KIF23: variants seen among roughly 807,000 people sequenced by gnomAD.
The protein encoded by KIF23 is kinesin family member 23, also known as kinesin-like protein KIF23.
Under a neutral mutation model 137.5 loss-of-function variants are expected in KIF23, and 30 were observed. The observed-to-expected ratio is 0.22, with a 90% CI of 0.16 to 0.30. The LOEUF is 0.30. Ranked by LOEUF, KIF23 falls within the 10% of genes least tolerant of loss-of-function variation. The pLI, the probability that KIF23 is intolerant of heterozygous loss-of-function variation, is 1.00. For synonymous variants in KIF23, 367 were observed against 391.1 expected (o/e 0.94, Z 0.73); for missense variants, 920 against 1,194.3 (o/e 0.77, Z 3.38).
chr15:69,421,586 T>C, intron 3 of KIF23, 61 bp from the exon 4 acceptor site: 1 of 992,236 alleles, frequency 1.0e-6, no homozygotes, highest in South Asian at 1.3e-5. Context: ...TTTAAGGAGA[T>C]GTATTTTTAG....
intron 19 of KIF23, 21 bp downstream of exon 19, chr15:69,441,100 A>G: frequency 6.4e-7 from 1 of 1,571,440 alleles, no homozygotes; most frequent in South Asian, 1.2e-5. Flanking sequence ...GTATTATTTT[A>G]ACGCATTGTA....
At chr15:69,446,123 G>C in intron 21 of KIF23, 32 bp downstream of exon 21, 11 of 1,588,560 alleles carry the variant, frequency 6.9e-6, no homozygotes, top group Non-Finnish European at 8.6e-6. Flanking sequence ...CTGTATAAAA[G>C]TTGGTCATTT....
chr15:69,436,474 T>C, intron 14 of KIF23, 90 bp from the exon 15 acceptor site: 1 of 1,232,766 alleles, frequency 8.1e-7, no homozygotes, highest in Non-Finnish European at 1.1e-6. Flanking sequence ...AATGGTTAGT[T>C]GCACTGGGGC....
rs111881694 is a variant in KIF23, at chr15:69,437,534, C to T, written c.1598-714C>T. Among the ~76,000 whole-genome samples the T allele has an allele frequency of 1.5e-3, 219 of 147,804 alleles. 1 individual carries two copies. The highest frequency in any genetic ancestry group is 2.5e-3 in the Non-Finnish European group (167 of 67,516). ...GGAGTGCAATGGCGCAATCTCGGCTCACTGCAACCTCCGCCTCCTGGGTTC... is the reference window on the plus strand; with the variant it reads ...GGAGTGCAATGGCGCAATCTCGGCTTACTGCAACCTCCGCCTCCTGGGTTC... On this transcript the variant is annotated intron_variant, in intron 15 of 23. Transcript: ENST00000679126.
intron 16 of KIF23, 37 bp downstream of exon 16, chr15:69,438,442 G>T: frequency 1.3e-6 from 2 of 1,558,936 alleles, no homozygotes; most frequent in Non-Finnish European, 1.7e-6. Flanking sequence ...TGTATGTGCT[G>T]GTGTTTTAGC....
chr15:69,446,840 G>C, intron 22 of KIF23, 31 bp from the exon 23 acceptor site: 1 of 1,595,642 alleles, frequency 6.3e-7, no homozygotes, highest in Non-Finnish European at 8.6e-7. Flanking sequence ...GAGAGGAGCT[G>C]ATCTTTTTCC....
rs1277075727 is a variant in KIF23 at position 69,439,896 on chromosome 15, C to T, written c.1756-8C>T. 2 of 1,602,306 alleles carry T rather than the reference C, an allele frequency of 1.2e-6. No homozygotes were observed. Among genetic ancestry groups the T allele is most frequent in the Non-Finnish European group, 1.7e-6 (2 of 1,172,980 alleles). On this transcript the variant is annotated splice_region_variant and splice_polypyrimidine_tract_variant and intron_variant, in intron 16 of 23. Coordinates refer to ENST00000679126, the MANE Select transcript of KIF23 (RefSeq NM_001367805.3). ...CCAAATATTGAACATAGTGGTCTACCTTCCTAGATTGAGATTTTAGAGAAA... is the reference window on the plus strand; with the variant it reads ...CCAAATATTGAACATAGTGGTCTACTTTCCTAGATTGAGATTTTAGAGAAA...
intron 22 of KIF23, 79 bp from the exon 23 acceptor site, chr15:69,446,792 T>A (rs1596031248): frequency 2.4e-6 from 3 of 1,226,414 alleles, no homozygotes; most frequent in African/African-American, 1.5e-5. Context: ...TTCACCTAGG[T>A]GTGGAGCCTG....
intron 19 of KIF23, among the ~76,000 whole-genome samples, chr15:69,443,054 CCAGACTT>C (rs2057659226): frequency 6.6e-6 from 1 of 152,124 alleles, no homozygotes; most frequent in African/African-American, 2.4e-5. Context: ...ATGATAAGGA[CCAGACTT>C]TCTTTCGTGT....
chr15:69,438,177 G>T, intron 15 of KIF23, 71 bp from the exon 16 acceptor site: 1 of 1,342,802 alleles, frequency 7.4e-7, no homozygotes, highest in Non-Finnish European at 1.0e-6. Flanking sequence ...TCTAGTGTCT[G>T]CTAGCAAAAG....
At position 69,425,288 on chromosome 15, in the gene KIF23, C is replaced by G; in HGVS notation, c.741C>G (p.Asn247Lys). 1.2e-5 allele frequency: 19 copies of G among 1,535,868 alleles called. No individual in the cohort carries two copies. The highest frequency in any genetic ancestry group is 1.5e-5 in the Non-Finnish European group (17 of 1,146,738). The change falls in exon 8 of 24, where the codon AAC (asparagine) becomes AAG (lysine). Residue 247 changes from asparagine (N) to lysine (K), a missense_variant. By Grantham distance (94) the Asn-to-Lys change is moderately conservative. Coordinates refer to ENST00000679126, the MANE Select transcript of KIF23 (RefSeq NM_001367805.3). ...TACCTTATTCCTTTGGTAGGTGGAA[C>G]AGTTGCAGCACACCCATGAGGAACA... Reference protein sequence around the residue: ...VPFDPIKPKWNSCSTPMRNTD... With the variant: ...VPFDPIKPKWKSCSTPMRNTD...
rs957332437 is a variant in KIF23, at chr15:69,444,755, C to A, written c.2422-35C>A. On this transcript the variant is annotated intron_variant, in intron 19 of 23. Coordinates refer to ENST00000679126, the MANE Select transcript of KIF23 (RefSeq NM_001367805.3). This position sits in a 1 kb window ranked among gnomAD's most constrained non-coding sequence, Gnocchi z 4.2. ...AAACCTGCTGCACTTCTAATAATAC[C>A]CTTAAATTAATTCTGGGTTATGCTT... 1.9e-6 allele frequency: 3 copies of A among 1,603,026 alleles called. No individual in the cohort carries two copies. The East Asian group carries it at 6.7e-5, about 36-fold the overall frequency.
At position 69,421,639 on chromosome 15, in the gene KIF23, C is replaced by T. The variant is rs759903331; in HGVS notation, c.211-8C>T. ...TTCTATTTAGTGCATTTTTTTCTCTCTCCACAGACTCAGTATTCATTTAAA... is the reference window on the plus strand; with the variant it reads ...TTCTATTTAGTGCATTTTTTTCTCTTTCCACAGACTCAGTATTCATTTAAA... On this transcript the variant is annotated splice_polypyrimidine_tract_variant and splice_region_variant and intron_variant, in intron 3 of 23. Transcript: ENST00000679126. 1.3e-6 allele frequency: 2 copies of T among 1,568,040 alleles called. No individual in the cohort carries two copies. The highest frequency in any genetic ancestry group is 1.8e-6 in the Non-Finnish European group (2 of 1,139,670).
Position 69,444,919 on chromosome 15 carries a change from C to T in KIF23, c.2551C>T (p.His851Tyr). The change falls in exon 20 of 24, where the codon CAT becomes TAT. Residue 851 changes from histidine to tyrosine, a missense_variant. Around this residue, in one of 4 missense-constraint regions of KIF23, gnomAD observed 75 missense variants for 177.9 expected, o/e 0.42. Coordinates refer to ENST00000679126, the MANE Select transcript of KIF23 (RefSeq NM_001367805.3). The surrounding 1 kb of genome is among the most constrained non-coding windows in gnomAD (Gnocchi z 4.2). ...GCAAACTGAAACAGTCATGCAGCCA[C>T]ATGTCCCTCATGCCATCACAGTATC... ...NMQTETVMQP[H>Y]VPHAITVSVA... The T allele has an allele frequency of 6.2e-7, 1 of 1,614,198 alleles. No homozygotes were observed. Among genetic ancestry groups the T allele is most frequent in the Non-Finnish European group, 8.5e-7 (1 of 1,180,036 alleles).
rs2057060024 is a variant in KIF23 at position 69,421,677 on chromosome 15, A to G, written c.241A>G (p.Thr81Ala). 1 of 1,613,450 alleles carries G rather than the reference A, an allele frequency of 6.2e-7. No homozygotes were observed. The highest frequency in any genetic ancestry group is 8.5e-7 in the Non-Finnish European group (1 of 1,179,506). Residue 81 changes from threonine (T) to alanine (A), a missense_variant, in exon 4 of 24, where the codon ACT becomes GCT. Thr to Ala is a moderately conservative substitution (Grantham distance 58, BLOSUM62 0). Transcript: ENST00000679126. ...TQYSFKQVFG[T>A]HTTQKELFDV... is the part of the protein sequence containing the mutation. ...GTATTCATTTAAACAAGTATTTGGC[A>G]CTCACACCACCCAGAAGGAACTCTT...
rs778503555 is a variant in KIF23, at chr15:69,426,365, C to A, written c.919C>A (p.His307Asn). The change falls in exon 10 of 24, where the codon CAT (histidine) becomes AAT (asparagine). Residue 307 changes from histidine to asparagine, a missense_variant. By Grantham distance (68) the His-to-Asn change is moderately conservative (BLOSUM62 1). Coordinates refer to ENST00000679126, the MANE Select transcript of KIF23 (RefSeq NM_001367805.3). ...GQKKRRIANT[H>N]LNRESSRSHS... ...GAAAAAGAGACGTATTGCTAATACC[C>A]ATTTGAATCGTGAGTCCAGCCGTTC... 1.2e-6 allele frequency: 2 copies of A among 1,614,080 alleles called. No individual in the cohort carries two copies. Among genetic ancestry groups the A allele is most frequent in the South Asian group, 2.2e-5 (2 of 91,080 alleles).
In KIF23 at chr15:69,444,390, T is replaced by C. The variant is rs901144723; in HGVS notation, c.2422-400T>C. 1.9e-5 allele frequency: 3 copies of C among 160,326 alleles called. No individual in the cohort carries two copies. Among genetic ancestry groups the C allele is most frequent in the African/African-American group, 7.2e-5 (3 of 41,594 alleles). 9.9% of individuals were successfully genotyped at this position (160,326 alleles called of 1,614,324 possible). A position where few individuals can be genotyped will look rare whatever the true frequency, so the allele number is the denominator to read the frequency against. On this transcript the variant is annotated intron_variant, in intron 19 of 23. Coordinates refer to ENST00000679126, the MANE Select transcript of KIF23 (RefSeq NM_001367805.3). The surrounding 1 kb of genome is among the most constrained non-coding windows in gnomAD (Gnocchi z 4.2). ...TTTGTTTAGAAGCCTAGAAAATGTG[T>C]AGGGCTTTCATTGATCTTATTGAAG...
In KIF23 at chr15:69,446,972, G is replaced by C. The variant is rs1040278051; in HGVS notation, c.2909+31G>C. 1.9e-6 allele frequency: 3 copies of C among 1,591,584 alleles called. No homozygotes were observed. In the Admixed American group the frequency reaches 5.0e-5, roughly 27 times the overall value. ...TACTGACTGTAATTGGGGTCTTGCT[G>C]TGTGCTTTTTTCCTCCTCTGGTCTT... On this transcript the variant is annotated intron_variant, in intron 23 of 23. Transcript: ENST00000679126.
At chr15:69,421,003 T>C (rs1425320020) in intron 3 of KIF23, among the ~76,000 whole-genome samples, 1 of 152,232 alleles carries the variant, frequency 6.6e-6, no homozygotes, top group African/African-American at 2.4e-5. Context: ...TTTCCACAAA[T>C]CTGTGACTAT....
Sources: gnomAD v4.1 joint callset for allele counts (sites outside exome capture counted in the v4.1 genomes callset) on GRCh38, gnomAD v4.1.1 for gene constraint, gnomAD v4.1.1 regional missense constraint, Gnocchi (gnomAD v3.1) non-coding constraint, MANE v1.5 for transcripts, NCBI Gene and HGNC (gene_info 2026-07-23, HGNC 2026-07-21) for gene names.